Variants in CYRIA observed in about 807,000 individuals in gnomAD.
The protein encoded by CYRIA is CYFIP-related Rac1 interactor A.
CYRIA carries 15 observed loss-of-function variants against 43.9 expected under a neutral mutation model. That is an observed-to-expected ratio of 0.34 (90% CI 0.23 to 0.53). The LOEUF is 0.53. Ranked by LOEUF, CYRIA falls within the 20% of genes least tolerant of loss-of-function variation. The probability of loss-of-function intolerance (pLI) is 0.94; values close to 1 mark genes in which losing one functional copy is unlikely to be tolerated. For synonymous variants in CYRIA, 117 were observed against 136.0 expected, an observed-to-expected ratio of 0.86 and a Z score of 0.97; for missense variants, 236 against 394.2, an observed-to-expected ratio of 0.60 and a Z score of 3.40.
At chr2:16,584,097 C>T (rs1356586348) in intron 3 of CYRIA, among the ~76,000 whole-genome samples, 1 of 152,162 alleles carries the variant, frequency 6.6e-6, no homozygotes, top group Non-Finnish European at 1.5e-5. Flanking sequence ...CCATCTCTTC[C>T]TCCTTAACTC....
At chr2:16,601,713 A>AG (rs1668214004) in intron 2 of CYRIA, among the ~76,000 whole-genome samples, 3 of 144,712 alleles carry the variant, frequency 2.1e-5, no homozygotes, top group Admixed American at 2.1e-4. Context: ...TCCAGTTTCA[A>AG]AAAAAAAAAA....
chr2:16,640,033 AC>A (rs1669625670), intron 1 of CYRIA, among the ~76,000 whole-genome samples: 1 of 152,172 alleles, frequency 6.6e-6, no homozygotes, highest in Non-Finnish European at 1.5e-5. Context: ...ATCTTCTGTA[AC>A]ACCGGATAAA....
At chr2:16,593,686 T>TGG (rs1553342254) in intron 2 of CYRIA, among the ~76,000 whole-genome samples, 1 of 135,372 alleles carries the variant, frequency 7.4e-6, no homozygotes, top group Non-Finnish European at 1.6e-5. Context: ...CTTTATTTTT[T>TGG]TGTGTGTGTG....
At chr2:16,640,447 A>G (rs992190227) in intron 1 of CYRIA, among the ~76,000 whole-genome samples, 4 of 152,192 alleles carry the variant, frequency 2.6e-5, no homozygotes, top group African/African-American at 9.6e-5. Context: ...ACCACAAGGC[A>G]TTGAGAGGGC....
intron 2 of CYRIA, among the ~76,000 whole-genome samples, chr2:16,591,801 T>A (rs1667941080): frequency 1.3e-5 from 2 of 152,046 alleles, no homozygotes; most frequent in Non-Finnish European, 2.9e-5. Context: ...TTAATCTGAG[T>A]ATCTGAGTTT....
intron 2 of CYRIA, among the ~76,000 whole-genome samples, chr2:16,614,231 C>T (rs1363234819): frequency 6.6e-6 from 1 of 152,174 alleles, no homozygotes; most frequent in African/African-American, 2.4e-5. Context: ...CTTTTATGGA[C>T]AGATGGGAGA....
chr2:16,661,849 T>C (rs1486978126), intron 1 of CYRIA, among the ~76,000 whole-genome samples: 1 of 152,224 alleles, frequency 6.6e-6, no homozygotes, highest in African/African-American at 2.4e-5. Flanking sequence ...GGACTTTACC[T>C]TTCCCCATTT....
At chr2:16,631,061 T>C (rs1669317106) in intron 1 of CYRIA, among the ~76,000 whole-genome samples, 2 of 152,164 alleles carry the variant, frequency 1.3e-5, no homozygotes, top group East Asian at 1.9e-4. Flanking sequence ...GGCTGGGCTG[T>C]GTGACCTTTA....
chr2:16,661,969 G>C (rs1390541776), intron 1 of CYRIA, among the ~76,000 whole-genome samples: 1 of 152,116 alleles, frequency 6.6e-6, no homozygotes, highest in Non-Finnish European at 1.5e-5. Flanking sequence ...AGTTCAACAT[G>C]CTCAGAATAA....
At chr2:16,620,473 T>A (rs1012808790) in intron 2 of CYRIA, among the ~76,000 whole-genome samples, 3 of 152,208 alleles carry the variant, frequency 2.0e-5, no homozygotes, top group Admixed American at 6.5e-5. Context: ...ATTCAGTTGA[T>A]CTGTGTGAAC....
intron 3 of CYRIA, 120 bp from the exon 4 acceptor site, chr2:16,565,887 ACT>A: frequency 1.0e-6 from 1 of 986,682 alleles, no homozygotes; most frequent in Non-Finnish European, 1.4e-6. Flanking sequence ...TCTGGTATTT[ACT>A]CTTTAACCTA....
At chr2:16,644,681 T>C (rs1188963443) in intron 1 of CYRIA, among the ~76,000 whole-genome samples, 1 of 152,248 alleles carries the variant, frequency 6.6e-6, no homozygotes, top group Non-Finnish European at 1.5e-5. Context: ...AACTGGGCTC[T>C]AGAAGTAACT....
chr2:16,621,758 G>A (rs1021170885), intron 2 of CYRIA, among the ~76,000 whole-genome samples: 4 of 152,162 alleles, frequency 2.6e-5, no homozygotes, highest in African/African-American at 9.7e-5. Flanking sequence ...CCCTGGCACT[G>A]TATATAAAAC....
At chr2:16,574,792 C>T (rs1212629257) in intron 3 of CYRIA, among the ~76,000 whole-genome samples, 3 of 152,158 alleles carry the variant, frequency 2.0e-5, no homozygotes, top group Non-Finnish European at 4.4e-5. Flanking sequence ...GATGTCCAGG[C>T]AGAAATCTGC....
chr2:16,566,222 T>C (rs987671883), intron 3 of CYRIA, among the ~76,000 whole-genome samples: 2 of 152,206 alleles, frequency 1.3e-5, no homozygotes, highest in African/African-American at 4.8e-5. Flanking sequence ...GTACTGTTCA[T>C]TGATATTAAA....
At chr2:16,622,144 A>G (rs1572182660) in intron 2 of CYRIA, among the ~76,000 whole-genome samples, 1 of 152,212 alleles carries the variant, frequency 6.6e-6, no homozygotes, top group Non-Finnish European at 1.5e-5. Context: ...TACCGGCCCC[A>G]AATCAATTGA....
intron 2 of CYRIA, among the ~76,000 whole-genome samples, chr2:16,616,599 G>A (rs902240431): frequency 6.6e-6 from 1 of 152,206 alleles, no homozygotes; most frequent in African/African-American, 2.4e-5. Flanking sequence ...CCTGATATCC[G>A]TCAGGATGCT....
chr2:16,556,136 C>G (rs1034491782), intron 10 of CYRIA, among the ~76,000 whole-genome samples: 1 of 152,064 alleles, frequency 6.6e-6, no homozygotes, highest in African/African-American at 2.4e-5. Context: ...TTTGTAACAG[C>G]CCTTAGAAAC....
chr2:16,580,420 G>A (rs1667512172), intron 3 of CYRIA, among the ~76,000 whole-genome samples: 2 of 152,016 alleles, frequency 1.3e-5, no homozygotes, highest in Admixed American at 1.3e-4. Context: ...AAATGCTTAG[G>A]GGTATATTTG....
Sources: allele counts gnomAD v4.1 joint callset (sites outside exome capture counted in the v4.1 genomes callset), GRCh38; gene constraint gnomAD v4.1.1; transcripts MANE v1.5; gene names NCBI Gene and HGNC (gene_info 2026-07-23, HGNC 2026-07-21).